DDX4: variants seen among roughly 807,000 people sequenced by gnomAD.
DDX4 encodes the protein DEAD-box helicase 4.
In DDX4, 25 loss-of-function variants were observed where a neutral mutation model predicts 100.0. The observed-to-expected ratio is 0.25, with a 90% CI of 0.18 to 0.35. The LOEUF is 0.35. Among genes scored for constraint, DDX4 ranks in the 10% least tolerant of loss-of-function variants. DDX4 has a pLI of 1.00. For synonymous variants in DDX4, 259 were observed against 275.7 expected, an observed-to-expected ratio of 0.94 and a Z score of 0.60; for missense variants, 635 against 882.4, an observed-to-expected ratio of 0.72 and a Z score of 3.55.
intron 14 of DDX4, among the ~76,000 whole-genome samples, chr5:55,787,141 G>A (rs1742295417): frequency 6.6e-6 from 1 of 152,142 alleles, no homozygotes; most frequent in African/African-American, 2.4e-5. Flanking sequence ...GACTAATCTG[G>A]GAGATTTGTG....
intron 21 of DDX4, among the ~76,000 whole-genome samples, chr5:55,815,919 G>T (rs973755098): frequency 1.5e-4 from 22 of 145,724 alleles, no homozygotes; most frequent in African/African-American, 5.6e-4. Context: ...TTACAGGCAT[G>T]TGCCACCATC....
chr5:55,792,462 C>G (rs1742639270), intron 16 of DDX4, among the ~76,000 whole-genome samples, 179 bp from the exon 17 acceptor site: 1 of 151,606 alleles, frequency 6.6e-6, no homozygotes, highest in Non-Finnish European at 1.5e-5. Context: ...CGGGTTCACA[C>G]CGTTCTCCTG....
intron 6 of DDX4, among the ~76,000 whole-genome samples, chr5:55,764,716 A>T (rs767807585): frequency 2.6e-5 from 4 of 152,172 alleles, no homozygotes; most frequent in Non-Finnish European, 5.9e-5. Context: ...ACTTGGCTTC[A>T]TGTCTCTGCC....
rs192736420 is a variant in DDX4 at position 55,785,263 on chromosome 5, T to C, written c.626-34T>C. On this transcript the variant is annotated intron_variant, in intron 10 of 21. Transcript: ENST00000505374. The stretch of plus-strand genomic sequence containing the variant: ...ATAAAGATGTGCACAGCCTTACATC[T>C]TGACCGATTGTCACTTATGAATTTC... The C allele has an allele frequency of 3.0e-5, 45 of 1,480,628 alleles. No individual in the cohort carries two copies. In the African/African-American group the frequency reaches 5.3e-4, roughly 17 times the overall value. The allele number at this position is 1,480,628 out of a possible 1,614,324, so 91.7% of individuals were successfully genotyped here.
chr5:55,794,584 T>G (rs963534532), intron 17 of DDX4, among the ~76,000 whole-genome samples: 5 of 152,138 alleles, frequency 3.3e-5, no homozygotes, highest in Admixed American at 1.3e-4. Context: ...CCTGACTCTT[T>G]TTAGATTCAC....
chr5:55,745,727 T>G (rs537900996), intron 2 of DDX4, among the ~76,000 whole-genome samples: 1 of 152,182 alleles, frequency 6.6e-6, no homozygotes, highest in Non-Finnish European at 1.5e-5. Flanking sequence ...CCAGCCTGAT[T>G]GTACTTTTCA....
intron 3 of DDX4, among the ~76,000 whole-genome samples, chr5:55,757,992 C>T (rs552913362): frequency 1.1e-4 from 16 of 152,286 alleles, no homozygotes; most frequent in Middle Eastern, 3.4e-3. Context: ...TCGCAGTGAG[C>T]GGAAATTGTG....
At chr5:55,743,993 A>G (rs189173147) in intron 2 of DDX4, among the ~76,000 whole-genome samples, 179 of 151,056 alleles carry the variant, frequency 1.2e-3, no homozygotes, top group African/African-American at 4.1e-3. Context: ...GATTTTAAAT[A>G]GAAAATATTG....
intron 2 of DDX4, among the ~76,000 whole-genome samples, chr5:55,740,425 C>T (rs889257962): frequency 6.6e-6 from 1 of 151,934 alleles, no homozygotes; most frequent in Non-Finnish European, 1.5e-5. Flanking sequence ...CCTGGGCCTT[C>T]CAAAATGCTG....
chr5:55,770,978 A>G (rs768332542), intron 7 of DDX4, among the ~76,000 whole-genome samples: 3 of 152,200 alleles, frequency 2.0e-5, no homozygotes, highest in Non-Finnish European at 4.4e-5. Flanking sequence ...TTGCAGCTCT[A>G]TGTGCTTGGT....
intron 2 of DDX4, among the ~76,000 whole-genome samples, chr5:55,742,749 GGAGA>G (rs1314679799): frequency 1.3e-5 from 2 of 152,186 alleles, no homozygotes; most frequent in Non-Finnish European, 2.9e-5. Context: ...AGTAGGTGCT[GGAGA>G]GAGAGTGGTG....
intron 7 of DDX4, among the ~76,000 whole-genome samples, chr5:55,770,440 A>G (rs1234597416): frequency 1.3e-5 from 2 of 152,216 alleles, no homozygotes; most frequent in Admixed American, 6.5e-5. Context: ...TTGTATCAAA[A>G]ATTACCATGC....
At chr5:55,791,905 A>G (rs1742584982) in intron 16 of DDX4, among the ~76,000 whole-genome samples, 1 of 152,112 alleles carries the variant, frequency 6.6e-6, no homozygotes. Context: ...AGGTCAGGAG[A>G]TAGAGACCAT....
chr5:55,798,640 T>C, intron 18 of DDX4, 69 bp downstream of exon 18: 1 of 1,405,260 alleles, frequency 7.1e-7, no homozygotes, highest in Non-Finnish European at 9.6e-7. Context: ...AAAAAATCAC[T>C]AAAGAATTGT....
chr5:55,807,893 G>A lies in DDX4; in HGVS notation c.1616-5780G>A, dbSNP rs181198070. 2.0e-3 allele frequency among the ~76,000 whole-genome samples: 300 copies of A among 152,282 alleles called. 2 individuals are homozygous for A. Among genetic ancestry groups the A allele is most frequent in the Non-Finnish European group, 3.2e-3 (218 of 68,030 alleles). ...GCCTTGCTAGATTGAAGTTCTCATG[G>A]ATAATATCCTGCAGAGTGTTTTCCA... On this transcript the variant is annotated intron_variant, in intron 18 of 21. Coordinates refer to ENST00000505374, the MANE Select transcript of DDX4 (RefSeq NM_024415.3).
At chr5:55,756,710 T>G (rs1418535948) in intron 3 of DDX4, among the ~76,000 whole-genome samples, 2 of 152,204 alleles carry the variant, frequency 1.3e-5, no homozygotes, top group Admixed American at 1.3e-4. Flanking sequence ...TATTGAGAGA[T>G]ATTCTTTGTG....
At chr5:55,804,216 A>G (rs1280661167) in intron 18 of DDX4, among the ~76,000 whole-genome samples, 1 of 151,748 alleles carries the variant, frequency 6.6e-6, no homozygotes, top group Non-Finnish European at 1.5e-5. Flanking sequence ...TAGATTCTGG[A>G]TATTAGCCCT....
rs144714381 is a variant in DDX4 at position 55,815,162 on chromosome 5, A to G, written c.1977A>G (p.Val659=). Residue 659 remains valine (V), a synonymous_variant, in exon 20 of 22, where the codon GTA becomes GTG. Transcript: ENST00000505374. The part of the protein sequence containing the change: ...DNHLAQPLVK[V]LTDAQQDVPA... ...ATTTAGCACAGCCTCTAGTAAAAGT[A>G]TTGACAGATGTAAGTTAAACTTTTA... The G allele has an allele frequency of 4.3e-6, 7 of 1,613,680 alleles. No individual in the cohort carries two copies. The African/African-American group carries it at 6.7e-5, about 15-fold the overall frequency.
chr5:55,807,728 C>G (rs1037249778), intron 18 of DDX4, among the ~76,000 whole-genome samples: 1 of 152,022 alleles, frequency 6.6e-6, no homozygotes, highest in Non-Finnish European at 1.5e-5. Context: ...GTGGGTAACC[C>G]GACCTTTCTC....
Sources: gnomAD v4.1 joint callset for allele counts (sites outside exome capture counted in the v4.1 genomes callset) on GRCh38, gnomAD v4.1.1 for gene constraint, MANE v1.5 for transcripts, NCBI Gene and HGNC (gene_info 2026-07-23, HGNC 2026-07-21) for gene names.